TBC1D9B: variants seen among roughly 807,000 people sequenced by gnomAD.
TBC1D9B encodes the protein TBC1 domain family, member 9B (with GRAM domain).
A neutral mutation model predicts 121.1 loss-of-function variants in TBC1D9B; 87 were observed. The observed-to-expected ratio is 0.72, with a 90% confidence interval of 0.60 to 0.86. The LOEUF (loss-of-function observed/expected upper bound fraction) is 0.86. Among genes scored for constraint, TBC1D9B ranks in the 40% least tolerant of loss-of-function variants. The probability of loss-of-function intolerance (pLI) is 0.00; values close to 1 mark genes in which losing one functional copy is unlikely to be tolerated. For synonymous variants in TBC1D9B, 668 were observed against 670.1 expected, an observed-to-expected ratio of 1.00 and a Z score of 0.05; for missense variants, 1,540 against 1,628.6, an observed-to-expected ratio of 0.95 and a Z score of 0.94.
chr5:179,879,491 G>A, intron 8 of TBC1D9B, 137 bp downstream of exon 8: 1 of 1,358,260 alleles, frequency 7.4e-7, no homozygotes. Context: ...CACGCTGCCA[G>A]GGTGCAGCCT....
chr5:179,871,482 C>A lies in TBC1D9B; in HGVS notation c.2464G>T (p.Asp822Tyr). 3.1e-6 allele frequency: 5 copies of A among 1,613,128 alleles called. No homozygotes were observed. The highest frequency in any genetic ancestry group is 4.2e-6 in the Non-Finnish European group (5 of 1,179,658). Reference sequence around the variant, plus strand: ...GTCACCTTAAACACCATGTAAAGGTCCTCCAGCTCTTCAATGGAGAAACCA... The same window carrying A: ...GTCACCTTAAACACCATGTAAAGGTACTCCAGCTCTTCAATGGAGAAACCA... ...DIGFSIEELE[D>Y]LYMVFKAKHL... The change falls in exon 15 of 21, where the codon GAC becomes TAC. Residue 822 changes from aspartate to tyrosine, a missense_variant. Transcript: ENST00000355235.
chr5:179,896,671 C>T (rs777602311), intron 3 of TBC1D9B, among the ~76,000 whole-genome samples: 4 of 151,924 alleles, frequency 2.6e-5, no homozygotes, highest in Non-Finnish European at 5.9e-5. Flanking sequence ...TACAGGTGCG[C>T]GACACCATGC....
In TBC1D9B at chr5:179,904,600, G is replaced by C; in HGVS notation, c.229+102C>G. The C allele has an allele frequency of 9.9e-7, 1 of 1,011,984 alleles. No individual in the cohort carries two copies. The allele number at this position is 1,011,984 out of a possible 1,614,324, so 62.7% of individuals were successfully genotyped here. On this transcript the variant is annotated intron_variant, in intron 2 of 20. Transcript: ENST00000355235. The surrounding 1 kb of genome is among the most constrained non-coding windows in gnomAD (Gnocchi z 4.2). Reference sequence around the variant, plus strand: ...GCAGCCTTGGGCTATGCTGTCAGCAGGGAATACCACCCAGACACGTGGGCT... The same window carrying C: ...GCAGCCTTGGGCTATGCTGTCAGCACGGAATACCACCCAGACACGTGGGCT...
At position 179,863,621 on chromosome 5, in the gene TBC1D9B, T is replaced by C. The variant is rs1037113844; in HGVS notation, c.3529A>G (p.Thr1177Ala). 1.7e-5 allele frequency: 27 copies of C among 1,613,196 alleles called. No homozygotes were observed. Among genetic ancestry groups the C allele is most frequent in the Middle Eastern group, 1.6e-4 (1 of 6,062 alleles). Reference protein sequence around the residue: ...PTARIGGTVDTDWCISFEQIL... With the variant: ...PTARIGGTVDADWCISFEQIL... The stretch of plus-strand genomic sequence containing the variant: ...TGCTCAAAGGAGATGCACCAGTCGG[T>C]GTCGACGGTGCCGCCGATGCGCGCT... The change falls in exon 21 of 21, where the codon ACC becomes GCC. Residue 1177 changes from threonine (T) to alanine (A), a missense_variant. Coordinates refer to ENST00000355235, the MANE Select transcript of TBC1D9B (RefSeq NM_015043.4). The surrounding 1 kb of genome is among the most constrained non-coding windows in gnomAD (Gnocchi z 4.5).
chr5:179,893,604 G>T, intron 4 of TBC1D9B, 137 bp from the exon 5 acceptor site: 1 of 1,217,656 alleles, frequency 8.2e-7, no homozygotes, highest in Non-Finnish European at 1.1e-6. Flanking sequence ...GCCTGTCTGG[G>T]CTGTGTCACG....
intron 7 of TBC1D9B, among the ~76,000 whole-genome samples, chr5:179,882,017 T>C (rs1286127491): frequency 6.8e-6 from 1 of 147,194 alleles, no homozygotes; most frequent in Non-Finnish European, 1.5e-5. Flanking sequence ...TGATCTCAGC[T>C]CACTGCAACC....
chr5:179,901,569 G>C (rs770091544), intron 2 of TBC1D9B, among the ~76,000 whole-genome samples: 16 of 152,172 alleles, frequency 1.1e-4, no homozygotes, highest in Non-Finnish European at 1.8e-4. Context: ...GGAATCGCTT[G>C]AGCCCAGGAG....
rs370188952 is a variant in TBC1D9B at position 179,863,738 on chromosome 5, A to G, written c.3412T>C (p.Ser1138Pro). 3.7e-6 allele frequency: 6 copies of G among 1,613,446 alleles called. No individual in the cohort carries two copies. The African/African-American group carries it at 4.0e-5, about 11-fold the overall frequency. The change falls in exon 21 of 21, where the codon TCC (serine) becomes CCC (proline). Residue 1138 changes from serine (S) to proline (P), a missense_variant. Ser to Pro is a moderately conservative substitution (Grantham distance 74, BLOSUM62 -1). Coordinates refer to ENST00000355235, the MANE Select transcript of TBC1D9B (RefSeq NM_015043.4). This position sits in a 1 kb window ranked among gnomAD's most constrained non-coding sequence, Gnocchi z 4.5. ...DDETKDDMSM[S>P]SYSVVSTGSL... ...CCCGTGCTGACCACCGAGTAGGAGG[A>G]CATGGACATGTCGTCTTTGGTTTCA...
chr5:179,873,507 G>C lies in TBC1D9B; in HGVS notation c.2187-259C>G, dbSNP rs1402642004. On this transcript the variant is annotated intron_variant, in intron 12 of 20. Transcript: ENST00000355235. ...CGCTGGGCTGTTTTCTTAGTCAGTG[G>C]GGGGGTCCCTTGGGCAGGAACGCCT... Among the ~76,000 whole-genome samples the C allele has an allele frequency of 2.6e-5, 4 of 152,208 alleles. No individual in the cohort carries two copies. The East Asian group carries it at 5.8e-4, about 22-fold the overall frequency.
chr5:179,872,848 G>GGGCCCCCCCC, intron 14 of TBC1D9B, 44 bp downstream of exon 14: 2 of 1,457,254 alleles, frequency 1.4e-6, no homozygotes, highest in Non-Finnish European at 1.9e-6. Flanking sequence ...AGGCACTGCT[G>GGGCCCCCCCC]CCCCCCCAGC....
intron 15 of TBC1D9B, 189 bp from the exon 16 acceptor site, chr5:179,870,684 G>A (rs2113607324): frequency 5.7e-6 from 5 of 876,732 alleles, no homozygotes; most frequent in Non-Finnish European, 8.4e-6. Context: ...GTTAACAGAT[G>A]GGGAGGGGGT....
Position 179,893,455 on chromosome 5 carries a change from A to G in TBC1D9B, c.590T>C (p.Val197Ala). 6.2e-7 allele frequency: 1 copy of G among 1,603,182 alleles called. No homozygotes were observed. The highest frequency in any genetic ancestry group is 8.5e-7 in the Non-Finnish European group (1 of 1,172,990). The change falls in exon 5 of 21, where the codon GTG becomes GCG. Residue 197 changes from valine (V) to alanine (A), a missense_variant. Physicochemically the swap from Val to Ala is moderately conservative, Grantham distance 64. Coordinates refer to ENST00000355235, the MANE Select transcript of TBC1D9B (RefSeq NM_015043.4). ...CAGACGCGTTATGTCCACCCACTGC[A>G]CCACGAGGCTCACTGTGCCCACAGA... is the stretch of plus-strand genomic sequence containing the variant. ...FLLGKEVSLV[V>A]QWVDITRLEK...
At chr5:179,864,238 C>T in intron 20 of TBC1D9B, 110 bp from the exon 21 acceptor site, 1 of 1,116,888 alleles carries the variant, frequency 9.0e-7, no homozygotes, top group South Asian at 1.6e-5. Flanking sequence ...TGGCTGCCGT[C>T]TTGCTAATCA....
rs1455346188 is a variant in TBC1D9B, at chr5:179,904,885, C to T, written c.119-73G>A. On this transcript the variant is annotated intron_variant, in intron 1 of 20. Transcript: ENST00000355235. The surrounding 1 kb of genome is among the most constrained non-coding windows in gnomAD (Gnocchi z 4.2). Reference sequence around the variant, plus strand: ...GAGGCCCCTGAAGGCTGAGTCTGGCCGGAGGCAGACAGGATGGTGACGCTA... The same window carrying T: ...GAGGCCCCTGAAGGCTGAGTCTGGCTGGAGGCAGACAGGATGGTGACGCTA... The T allele has an allele frequency of 1.3e-5, 16 of 1,208,550 alleles. No individual in the cohort carries two copies. Among genetic ancestry groups the T allele is most frequent in the East Asian group, 2.7e-5 (1 of 36,820 alleles). The allele number at this position is 1,208,550 out of a possible 1,614,324, so 74.9% of individuals were successfully genotyped here.
chr5:179,876,116 C>A, intron 10 of TBC1D9B, 79 bp from the exon 11 acceptor site: 3 of 1,120,782 alleles, frequency 2.7e-6, no homozygotes, highest in Non-Finnish European at 3.8e-6. Flanking sequence ...CCCCTCCCAG[C>A]CACCCCTCCC....
In TBC1D9B at chr5:179,876,429, G is replaced by T. The variant is rs59156400; in HGVS notation, c.1783-392C>A. Among the ~76,000 whole-genome samples the T allele has an allele frequency of 4.9e-3, 743 of 152,260 alleles. 14 individuals carry two copies. In the East Asian group the frequency reaches 0.069, roughly 14 times the overall value. On this transcript the variant is annotated intron_variant, in intron 10 of 20. Transcript: ENST00000355235. ...GAGTGGTGTTGGGTGTTGGAGGTGG[G>T]ATTATGACCAAGCTGATGTGGAGGT...
chr5:179,867,524 G>T, intron 18 of TBC1D9B: 1 of 1,555,748 alleles, frequency 6.4e-7, no homozygotes, highest in South Asian at 1.2e-5. Flanking sequence ...GAGAGGCAGA[G>T]GGGCAGAGTG....
chr5:179,898,190 C>T (rs1761069714), intron 3 of TBC1D9B, among the ~76,000 whole-genome samples: 1 of 144,508 alleles, frequency 6.9e-6, no homozygotes, highest in Admixed American at 7.2e-5. Context: ...CTCATTCTGT[C>T]GCCTGGGCTG....
In TBC1D9B at chr5:179,865,161, A is replaced by C; in HGVS notation, c.3021+93T>G. The stretch of plus-strand genomic sequence containing the variant: ...GCAGGGAGGAGCCTTCCCACCCACC[A>C]GGAGATGCTGCAGTGCAGGTGCGGT... On this transcript the variant is annotated intron_variant, in intron 20 of 20. Transcript: ENST00000355235. This position sits in a 1 kb window ranked among gnomAD's most constrained non-coding sequence, Gnocchi z 5.1. 21 of 1,191,984 alleles carry C rather than the reference A, an allele frequency of 1.8e-5. No homozygotes were observed. Among genetic ancestry groups the C allele is most frequent in the Middle Eastern group, 1.9e-4 (1 of 5,142 alleles). The allele number at this position is 1,191,984 out of a possible 1,614,324, so 73.8% of individuals were successfully genotyped here.
Sources: allele counts gnomAD v4.1 joint callset (sites outside exome capture counted in the v4.1 genomes callset), GRCh38; gene constraint gnomAD v4.1.1; non-coding constraint Gnocchi (gnomAD v3.1); transcripts MANE v1.5; gene names NCBI Gene and HGNC (gene_info 2026-07-23, HGNC 2026-07-21).